EXT1: variants seen among roughly 807,000 people sequenced by gnomAD.
The protein encoded by EXT1 is exostosin glycosyltransferase 1, also known as exostosin-1.
EXT1 carries 20 observed loss-of-function variants against 82.5 expected under a neutral mutation model. The observed-to-expected ratio is 0.24, with a 90% CI of 0.17 to 0.35. The LOEUF (loss-of-function observed/expected upper bound fraction) is 0.35, where lower values mean the gene tolerates loss of function less well. EXT1 is among the 10% of genes least tolerant of loss of function. The pLI, the probability that EXT1 is intolerant of heterozygous loss-of-function variation, is 1.00. For missense variants in EXT1, 757 were observed against 936.5 expected (o/e 0.81, Z 2.50); for synonymous variants, 348 against 350.8 (o/e 0.99, Z 0.09).
At chr8:117,873,266 A>G (rs980433711) in intron 1 of EXT1, among the ~76,000 whole-genome samples, 1 of 152,146 alleles carries the variant, frequency 6.6e-6, no homozygotes, top group South Asian at 2.1e-4. Flanking sequence ...TAGCAGCCCA[A>G]ATAGACTGAG....
intron 1 of EXT1, among the ~76,000 whole-genome samples, chr8:117,875,025 A>T (rs1812942366): frequency 6.6e-6 from 1 of 152,206 alleles, no homozygotes; most frequent in South Asian, 2.1e-4. Flanking sequence ...TTTTCTATGG[A>T]TTAGACGTTA....
intron 1 of EXT1, among the ~76,000 whole-genome samples, chr8:118,057,802 C>T (rs1351599216): frequency 6.6e-6 from 1 of 151,706 alleles, no homozygotes; most frequent in Non-Finnish European, 1.5e-5. Context: ...GGTGAAACCC[C>T]ATCTCTACTA....
chr8:118,006,394 T>C (rs188760536), intron 1 of EXT1, among the ~76,000 whole-genome samples: 25 of 152,316 alleles, frequency 1.6e-4, no homozygotes, highest in Admixed American at 3.9e-4. Context: ...AGGAGTATAG[T>C]GTTTGAGTCA....
intron 1 of EXT1, among the ~76,000 whole-genome samples, chr8:118,061,291 T>C (rs762834933): frequency 1.2e-4 from 18 of 152,188 alleles, no homozygotes; most frequent in Non-Finnish European, 2.5e-4. Context: ...TAAAAACACA[T>C]TCAACCAAAA....
intron 1 of EXT1, among the ~76,000 whole-genome samples, chr8:118,067,956 C>T (rs1229155815): frequency 6.6e-6 from 1 of 152,152 alleles, no homozygotes; most frequent in African/African-American, 2.4e-5. Flanking sequence ...GCCATGGTGG[C>T]ACATTTTCAG....
intron 1 of EXT1, among the ~76,000 whole-genome samples, chr8:118,084,731 C>A (rs1018045980): frequency 2.0e-5 from 3 of 152,184 alleles, no homozygotes; most frequent in Admixed American, 2.0e-4. Flanking sequence ...CCAGTTCATG[C>A]GGTGTTCAAA....
intron 1 of EXT1, among the ~76,000 whole-genome samples, chr8:117,954,429 G>C (rs986130815): frequency 2.6e-5 from 4 of 152,092 alleles, no homozygotes; most frequent in African/African-American, 9.7e-5. Context: ...GGCATGCTGA[G>C]ATGGCAAAGT....
At chr8:117,821,388 A>G (rs1322068223) in intron 5 of EXT1, among the ~76,000 whole-genome samples, 1 of 152,224 alleles carries the variant, frequency 6.6e-6, no homozygotes, top group Non-Finnish European at 1.5e-5. Flanking sequence ...TAGTTTAAGA[A>G]GCATCATTTA....
chr8:118,025,664 A>G (rs1215510805), intron 1 of EXT1, among the ~76,000 whole-genome samples: 2 of 152,220 alleles, frequency 1.3e-5, no homozygotes, highest in African/African-American at 4.8e-5. Context: ...CTGAGAGGCT[A>G]AATGATGGGG....
At chr8:117,924,388 C>CG (rs1427618048) in intron 1 of EXT1, among the ~76,000 whole-genome samples, 3 of 152,318 alleles carry the variant, frequency 2.0e-5, no homozygotes, top group Non-Finnish European at 4.4e-5. Context: ...TAAAAGCCAA[C>CG]GGGAACAATG....
intron 1 of EXT1, among the ~76,000 whole-genome samples, chr8:117,942,339 T>C (rs895916771): frequency 2.0e-5 from 3 of 152,172 alleles, no homozygotes; most frequent in African/African-American, 4.8e-5. Context: ...TGTAATAATG[T>C]AGGGGAAAGG....
At chr8:117,925,359 C>CA (rs5894404) in intron 1 of EXT1, among the ~76,000 whole-genome samples, 76,978 of 142,326 alleles carry the variant, frequency 0.54, 22,089 homozygotes, top group Middle Eastern at 0.72. Flanking sequence ...GCAACCACCT[C>CA]AAAAAAAAAA....
rs1199361133 is a variant in EXT1 at position 117,818,513 on chromosome 8, A to T, written c.1554T>A (p.Asn518Lys). 1.2e-6 allele frequency: 2 copies of T among 1,613,926 alleles called. No individual in the cohort carries two copies. The highest frequency in any genetic ancestry group is 2.7e-5 in the African/African-American group (2 of 74,924). ...QYCAQIIVLW[N>K]CDKPLPAKHR... ...GTTTGGCTGGTAGGGGCTTGTCACA[A>T]TTCCATAGAACTATGATCTGAAAGG... Residue 518 changes from asparagine (N) to lysine (K), a missense_variant, in exon 7 of 11, where the codon AAT (asparagine) becomes AAA (lysine). Around this residue, in one of 4 missense-constraint regions of EXT1, gnomAD observed 207 missense variants for 224.2 expected, o/e 0.92. Coordinates refer to ENST00000378204, the MANE Select transcript of EXT1 (RefSeq NM_000127.3).
intron 1 of EXT1, among the ~76,000 whole-genome samples, chr8:117,839,691 C>A (rs1486280963): frequency 6.6e-6 from 1 of 152,214 alleles, no homozygotes; most frequent in Non-Finnish European, 1.5e-5. Flanking sequence ...CACAAGTGGG[C>A]AGACAACTAT....
At chr8:118,074,399 T>C (rs1426249423) in intron 1 of EXT1, among the ~76,000 whole-genome samples, 2 of 152,096 alleles carry the variant, frequency 1.3e-5, no homozygotes, top group African/African-American at 4.8e-5. Context: ...GCAGGGAAGC[T>C]ATTGTGCTCC....
At chr8:118,026,709 G>A (rs17505290) in intron 1 of EXT1, among the ~76,000 whole-genome samples, 17 of 152,054 alleles carry the variant, frequency 1.1e-4, no homozygotes, top group African/African-American at 3.6e-4. Flanking sequence ...TTTATCTTTG[G>A]GGGGAGGGAA....
At chr8:117,802,563 C>T (rs1011745945) in intron 10 of EXT1, among the ~76,000 whole-genome samples, 1 of 152,102 alleles carries the variant, frequency 6.6e-6, no homozygotes, top group Non-Finnish European at 1.5e-5. Flanking sequence ...GAGCAATAGG[C>T]TATAGTAGGC....
intron 1 of EXT1, among the ~76,000 whole-genome samples, chr8:118,002,538 T>C (rs1008364316): frequency 1.1e-5 from 1 of 92,802 alleles, no homozygotes; most frequent in African/African-American, 5.1e-5. Flanking sequence ...CTTTTTTTTT[T>C]TTTTTTTTTT....
At chr8:118,077,776 C>T (rs1754583785) in intron 1 of EXT1, among the ~76,000 whole-genome samples, 1 of 152,180 alleles carries the variant, frequency 6.6e-6, no homozygotes, top group South Asian at 2.1e-4. Flanking sequence ...GTATTCCTGG[C>T]TAGGTCCACA....
Sources: allele counts gnomAD v4.1 joint callset (sites outside exome capture counted in the v4.1 genomes callset), GRCh38; gene constraint gnomAD v4.1.1; regional missense constraint gnomAD v4.1.1; transcripts MANE v1.5; gene names NCBI Gene and HGNC (gene_info 2026-07-23, HGNC 2026-07-21).